The following ARB2A variants were observed in gnomAD, a reference collection of about 807,000 sequenced individuals.
ARB2A encodes the protein cotranscriptional regulator ARB2A.
chr5:93,698,434 T>G, the ARB2A span, among the ~76,000 whole-genome samples: 2 of 151,980 alleles, frequency 1.3e-5, no homozygotes, highest in Non-Finnish European at 2.9e-5. Context: ...TAGACTGCCA[T>G]AAATGCCATA....
the ARB2A span, among the ~76,000 whole-genome samples, chr5:94,022,663 T>C: frequency 6.6e-6 from 1 of 152,242 alleles, no homozygotes; most frequent in African/African-American, 2.4e-5. Flanking sequence ...TATTTGTACA[T>C]ACTGTCCAAA....
chr5:93,776,321 C>T, the ARB2A span: 1 of 1,163,070 alleles, frequency 8.6e-7, no homozygotes, highest in Non-Finnish European at 1.2e-6. Context: ...TTAATTTATC[C>T]TATAAAATCA....
the ARB2A span, among the ~76,000 whole-genome samples, chr5:93,673,244 C>G: frequency 1.3e-5 from 2 of 152,162 alleles, no homozygotes; most frequent in East Asian, 1.9e-4. Context: ...CTGACCCTGA[C>G]AGTTTTGTTT....
chr5:93,792,538 G>A, the ARB2A span, among the ~76,000 whole-genome samples: 1,002 of 152,122 alleles, frequency 6.6e-3, 4 homozygotes, highest in Middle Eastern at 0.017. Context: ...GTAGGGACAT[G>A]GATGAAATTG....
chr5:93,958,830 T>C, the ARB2A span: 1 of 1,603,700 alleles, frequency 6.2e-7, no homozygotes, highest in Admixed American at 1.7e-5. Context: ...AGATCTTCAT[T>C]TATAATAAGT....
the ARB2A span, among the ~76,000 whole-genome samples, chr5:93,977,564 T>C: frequency 2.6e-5 from 4 of 152,108 alleles, no homozygotes; most frequent in East Asian, 3.9e-4. Flanking sequence ...TGGCTAACCA[T>C]AGGCAGAAGA....
the ARB2A span, among the ~76,000 whole-genome samples, chr5:93,783,891 G>A: frequency 6.6e-6 from 1 of 152,172 alleles, no homozygotes; most frequent in Admixed American, 6.5e-5. Context: ...TTAGCTCAAG[G>A]GTCTGGCATA....
the ARB2A span, chr5:93,805,782 C>T: frequency 1.5e-5 from 15 of 985,002 alleles, no homozygotes; most frequent in African/African-American, 1.7e-5. Context: ...TTGGGGTTGT[C>T]GTTCAGTCCT....
the ARB2A span, among the ~76,000 whole-genome samples, chr5:93,913,432 A>G: frequency 6.6e-6 from 1 of 151,910 alleles, no homozygotes; most frequent in African/African-American, 2.4e-5. Context: ...TTCTACCTCT[A>G]TGACCTTGTC....
chr5:93,766,956 G>C, the ARB2A span, among the ~76,000 whole-genome samples: 5 of 149,372 alleles, frequency 3.3e-5, no homozygotes, highest in African/African-American at 1.2e-4. Flanking sequence ...ACCAAACACC[G>C]CATGTTCTCA....
the ARB2A span, among the ~76,000 whole-genome samples, chr5:93,747,396 G>A: frequency 1.3e-5 from 2 of 151,746 alleles, no homozygotes; most frequent in Non-Finnish European, 2.9e-5. Flanking sequence ...TCACACTGAT[G>A]TTTTTTTTCT....
chr5:94,068,526 G>A, the ARB2A span, among the ~76,000 whole-genome samples: 7 of 152,194 alleles, frequency 4.6e-5, no homozygotes, highest in Non-Finnish European at 7.4e-5. Context: ...GGACCCAAAG[G>A]GGGTTGCCAC....
chr5:93,773,520 G>C, the ARB2A span, among the ~76,000 whole-genome samples: 1 of 152,216 alleles, frequency 6.6e-6, no homozygotes, highest in Non-Finnish European at 1.5e-5. Flanking sequence ...GAGAATGAAA[G>C]TGTGGATCAT....
chr5:93,853,937 C>G, the ARB2A span, among the ~76,000 whole-genome samples: 8 of 152,082 alleles, frequency 5.3e-5, no homozygotes, highest in Non-Finnish European at 8.8e-5. Flanking sequence ...TTGTGTCTCT[C>G]CCTGGCTTTG....
chr5:93,927,717 AAAT>A, the ARB2A span, among the ~76,000 whole-genome samples: 1 of 152,166 alleles, frequency 6.6e-6, no homozygotes, highest in Admixed American at 6.5e-5. Context: ...TGAGGTGTTA[AAAT>A]ATTAAGAAAA....
chr5:93,751,309 G>C, the ARB2A span, among the ~76,000 whole-genome samples: 1 of 152,056 alleles, frequency 6.6e-6, no homozygotes, highest in Non-Finnish European at 1.5e-5. Flanking sequence ...TCATTTATTG[G>C]TACAATATAT....
the ARB2A span, among the ~76,000 whole-genome samples, chr5:94,019,175 G>A: frequency 6.6e-6 from 1 of 152,148 alleles, no homozygotes; most frequent in African/African-American, 2.4e-5. Flanking sequence ...ATGGATTAAA[G>A]ATTTAAATGT....
chr5:94,072,846 T>A, the ARB2A span, among the ~76,000 whole-genome samples: 1 of 152,138 alleles, frequency 6.6e-6, no homozygotes, highest in Admixed American at 6.5e-5. Flanking sequence ...CCTTTAATTA[T>A]AACAGTCATC....
the ARB2A span, among the ~76,000 whole-genome samples, chr5:93,850,036 G>C: frequency 6.6e-6 from 1 of 152,118 alleles, no homozygotes; most frequent in African/African-American, 2.4e-5. Flanking sequence ...TTATAGATAA[G>C]CCAACTGATA....
Sources: gnomAD v4.1 joint callset for allele counts (sites outside exome capture counted in the v4.1 genomes callset) on GRCh38, gnomAD v4.1.1 for gene constraint, MANE v1.5 for transcripts, NCBI Gene and HGNC (gene_info 2026-07-23, HGNC 2026-07-21) for gene names.